COL4A5: variants seen among roughly 807,000 people sequenced by gnomAD.
The protein encoded by COL4A5 is collagen type IV alpha 5 chain, also known as collagen alpha-5(IV) chain.
COL4A5 carries 26 observed loss-of-function variants against 130.2 expected under a neutral mutation model. The ratio of observed to expected loss-of-function variants is 0.20; its 90% CI spans 0.15 to 0.28. COL4A5 has a LOEUF of 0.28. Among genes scored for constraint, COL4A5 ranks in the 10% least tolerant of loss-of-function variants. The pLI is 1.00. For synonymous variants in COL4A5, 496 were observed against 439.6 expected, an observed-to-expected ratio of 1.13 and a Z score of -1.60; for missense variants, 1,131 against 1,344.3, an observed-to-expected ratio of 0.84 and a Z score of 2.48.
chrX:108,663,382 T>C (rs2068003306), intron 37 of COL4A5, among the ~76,000 whole-genome samples: 1 of 111,934 alleles, frequency 8.9e-6, no homozygotes, highest in Non-Finnish European at 1.9e-5. Flanking sequence ...TGTTAGACTT[T>C]TAAATACCAA....
intron 16 of COL4A5, 110 bp from the exon 17 acceptor site, chrX:108,582,770 TCTGA>T: frequency 1.7e-6 from 1 of 572,915 alleles, no homozygotes; most frequent in Middle Eastern, 3.2e-4. Context: ...GAAAGTTAAT[TCTGA>T]CTGACCATTT....
intron 44 of COL4A5, among the ~76,000 whole-genome samples, chrX:108,679,362 C>T (rs186065676): frequency 1.5e-3 from 168 of 111,769 alleles, no homozygotes; most frequent in African/African-American, 5.3e-3. Flanking sequence ...TCCACATATA[C>T]TAGTCAGTCC....
At chrX:108,658,855 G>A (rs971393477) in intron 37 of COL4A5, among the ~76,000 whole-genome samples, 41 of 110,867 alleles carry the variant, frequency 3.7e-4, no homozygotes, top group South Asian at 1.5e-3. Context: ...ATTAACTTTC[G>A]TAAGTGATTT....
chrX:108,442,426 A>T (rs1158765264), intron 1 of COL4A5, among the ~76,000 whole-genome samples: 1 of 111,621 alleles, frequency 9.0e-6, no homozygotes, highest in Non-Finnish European at 1.9e-5. Flanking sequence ...ATAAGAGAAG[A>T]CAGTTTTAAG....
rs2066141637 is a variant in COL4A5 at position 108,575,950 on chromosome X, C to T, written c.587C>T (p.Pro196Leu). The T allele has an allele frequency of 1.7e-6, 2 of 1,187,364 alleles. No individual in the cohort carries two copies. The highest frequency in any genetic ancestry group is 3.5e-5 in the African/African-American group (2 of 56,479). ...ACTGGTATACCAGGGCCAATTGGTC[C>T]CCCAGGACCACCAGGTTTGATGGTA... ...GPTGIPGPIGPPGPPGLMGPP... is the reference protein window; with the variant it reads ...GPTGIPGPIGLPGPPGLMGPP... The change falls in exon 10 of 53, where the codon CCC becomes CTC. Residue 196 changes from proline to leucine, a missense_variant. Coordinates refer to ENST00000328300, the MANE Select transcript of COL4A5 (RefSeq NM_033380.3).
intron 1 of COL4A5, among the ~76,000 whole-genome samples, chrX:108,461,902 A>G (rs1389695669): frequency 8.9e-6 from 1 of 112,153 alleles, no homozygotes; most frequent in African/African-American, 3.2e-5. Flanking sequence ...GCCTCTATAA[A>G]GATTTGTAGT....
intron 15 of COL4A5, 73 bp from the exon 16 acceptor site, chrX:108,580,910 T>TA: frequency 9.4e-7 from 1 of 1,068,331 alleles, no homozygotes; most frequent in Non-Finnish European, 1.3e-6. Context: ...TAAAGCTTGT[T>TA]ATATTCTTTA....
chrX:108,443,932 T>A (rs1045066647), intron 1 of COL4A5, among the ~76,000 whole-genome samples: 1 of 112,376 alleles, frequency 8.9e-6, no homozygotes, highest in African/African-American at 3.2e-5. Flanking sequence ...TTTTCAACAT[T>A]TTTACATTTA....
intron 1 of COL4A5, among the ~76,000 whole-genome samples, chrX:108,502,599 GT>G (rs2065091429): frequency 8.9e-6 from 1 of 111,931 alleles, no homozygotes; most frequent in Admixed American, 9.5e-5. Flanking sequence ...GAAGGTAATA[GT>G]TTTTTGTGTA....
chrX:108,470,668 TTTTG>T (rs2064757953), intron 1 of COL4A5, among the ~76,000 whole-genome samples: 1 of 111,663 alleles, frequency 9.0e-6, no homozygotes, highest in Non-Finnish European at 1.9e-5. Context: ...ACTTGTCAAT[TTTTG>T]TTTTTGTTGC....
rs2068171137 is a variant in COL4A5, at chrX:108,670,120, G to C, written c.3791-108G>C. On this transcript the variant is annotated intron_variant, in intron 41 of 52. Transcript: ENST00000328300. The stretch of plus-strand genomic sequence containing the variant: ...TATTGAAATGAATTTTAACTTGAAA[G>C]TATTTAGTGTAATGCTTTTTAGTTT... 19 of 838,341 alleles carry C rather than the reference G, an allele frequency of 2.3e-5. No homozygotes were observed. In the East Asian group the frequency reaches 6.1e-4, roughly 27 times the overall value. The allele number at this position is 838,341 out of a possible 1,213,427, so 69.1% of individuals were successfully genotyped here.
chrX:108,450,170 T>C (rs1203048790), intron 1 of COL4A5, among the ~76,000 whole-genome samples: 2 of 112,428 alleles, frequency 1.8e-5, no homozygotes, highest in Non-Finnish European at 3.7e-5. Flanking sequence ...AAAGCACTTA[T>C]GTACGCTGAA....
At chrX:108,681,006 A>G (rs1202643999) in intron 46 of COL4A5, 50 bp downstream of exon 46, 1 of 1,069,798 alleles carries the variant, frequency 9.3e-7, no homozygotes, top group African/African-American at 1.8e-5. Flanking sequence ...GATGCTTTAA[A>G]GAATTTGAAA....
At chrX:108,621,102 T>C (rs2067036675) in intron 31 of COL4A5, among the ~76,000 whole-genome samples, 1 of 107,483 alleles carries the variant, frequency 9.3e-6, no homozygotes, top group Non-Finnish European at 1.9e-5. Context: ...TTTCTTTCTT[T>C]CCTTTTCTTC....
chrX:108,537,325 T>C (rs1174942522), intron 1 of COL4A5, among the ~76,000 whole-genome samples: 1 of 111,735 alleles, frequency 8.9e-6, no homozygotes, highest in Non-Finnish European at 1.9e-5. Context: ...TAAATTAAAA[T>C]TTTAAATTGA....
At chrX:108,673,677 A>T (rs1430487823) in intron 42 of COL4A5, among the ~76,000 whole-genome samples, 1 of 108,739 alleles carries the variant, frequency 9.2e-6, no homozygotes, top group Non-Finnish European at 1.9e-5. Flanking sequence ...TCAATGTTGT[A>T]CAAATATATA....
Position 108,453,412 on chromosome X carries a change from G to T in COL4A5, c.81+13206G>T, listed in dbSNP as rs1338324080. On this transcript the variant is annotated intron_variant, in intron 1 of 52. Coordinates refer to ENST00000328300, the MANE Select transcript of COL4A5 (RefSeq NM_033380.3). ...CAAAGCAAAGAAATCTACAAAAAAA[G>T]TAAAATAATCTCTCTTCCCACTATT... Among the ~76,000 whole-genome samples, 3 of 111,503 alleles carry T rather than the reference G, an allele frequency of 2.7e-5. No individual in the cohort carries two copies. In the Admixed American group the frequency reaches 2.9e-4, roughly 11 times the overall value.
At chrX:108,585,586 C>T (rs1444071906) in intron 18 of COL4A5, among the ~76,000 whole-genome samples, 1 of 111,180 alleles carries the variant, frequency 9.0e-6, no homozygotes, top group East Asian at 2.8e-4. Context: ...TTCTTATATC[C>T]ATCCAATAGA....
intron 36 of COL4A5, among the ~76,000 whole-genome samples, chrX:108,650,172 A>T (rs140400149): frequency 0.016 from 1,818 of 112,101 alleles, 43 homozygotes; most frequent in African/African-American, 0.056. Context: ...ATGAAAAAAA[A>T]TGCTCAACAT....
Sources: allele counts gnomAD v4.1 joint callset (sites outside exome capture counted in the v4.1 genomes callset), GRCh38; gene constraint gnomAD v4.1.1; transcripts MANE v1.5; gene names NCBI Gene and HGNC (gene_info 2026-07-23, HGNC 2026-07-21).